Variants in INTS14 observed in about 807,000 individuals in gnomAD.
INTS14 encodes the protein UPF0464 protein C15orf44.
Under a neutral mutation model 56.9 loss-of-function variants are expected in INTS14, and 27 were observed. That is an observed-to-expected ratio of 0.47 (90% CI 0.35 to 0.65). INTS14 has a LOEUF of 0.65. Ranked by LOEUF, INTS14 falls within the 30% of genes least tolerant of loss-of-function variation. The pLI, the probability that INTS14 is intolerant of heterozygous loss-of-function variation, is 0.00. For missense variants in INTS14, 517 were observed against 632.2 expected, an observed-to-expected ratio of 0.82 and a Z score of 1.95; for synonymous variants, 207 against 236.2, an observed-to-expected ratio of 0.88 and a Z score of 1.13.
At chr15:65,580,856 C>T (rs1003663912) in intron 11 of INTS14, among the ~76,000 whole-genome samples, 3 of 152,210 alleles carry the variant, frequency 2.0e-5, no homozygotes, top group Non-Finnish European at 2.9e-5. Flanking sequence ...CTTCACCAAT[C>T]GTTCTGGATT....
intron 2 of INTS14, among the ~76,000 whole-genome samples, chr15:65,605,749 C>T (rs2073620730): frequency 6.6e-6 from 1 of 152,186 alleles, no homozygotes; most frequent in African/African-American, 2.4e-5. Flanking sequence ...AGTCTGACTT[C>T]AGGGCTCCTG....
rs186778721 is a variant in INTS14, at chr15:65,609,080, C to G, written c.-62-1638G>C. On this transcript the variant is annotated intron_variant, in intron 1 of 11. Coordinates refer to ENST00000313182, the MANE Select transcript of INTS14 (RefSeq NM_001394796.1). ...GACTACAGGCGCGTGTCACCACACT[C>G]GGCTAATTTTTGTATTTTTAGTAGA... Among the ~76,000 whole-genome samples, 969 of 152,190 alleles carry G rather than the reference C, an allele frequency of 6.4e-3. 9 individuals are homozygous for G. Among genetic ancestry groups the G allele is most frequent in the African/African-American group, 0.022 (931 of 41,528 alleles).
intron 9 of INTS14, chr15:65,586,717 GAAGA>G (rs1370271825): frequency 6.6e-6 from 1 of 152,094 alleles, no homozygotes; most frequent in Non-Finnish European, 1.5e-5. Flanking sequence ...TGAAGATACA[GAAGA>G]CAGAACAAAA....
intron 2 of INTS14, among the ~76,000 whole-genome samples, chr15:65,606,423 C>G (rs1220525549): frequency 6.8e-6 from 1 of 147,046 alleles, no homozygotes; most frequent in Non-Finnish European, 1.5e-5. Flanking sequence ...TTTTTTCCTT[C>G]TTTTTATTAA....
At chr15:65,604,608 T>A (rs2141321159) in intron 3 of INTS14, among the ~76,000 whole-genome samples, 1 of 151,798 alleles carries the variant, frequency 6.6e-6, no homozygotes, top group East Asian at 1.9e-4. Context: ...CATTTGCCTG[T>A]AGTCTCAGCT....
intron 8 of INTS14, among the ~76,000 whole-genome samples, chr15:65,592,508 T>G (rs1027916264): frequency 6.6e-6 from 1 of 152,218 alleles, no homozygotes; most frequent in Admixed American, 6.5e-5. Context: ...AGAATGATTA[T>G]GAGTAGGCTC....
chr15:65,582,354 G>C (rs898355619), intron 10 of INTS14, among the ~76,000 whole-genome samples: 1 of 152,116 alleles, frequency 6.6e-6, no homozygotes, highest in Non-Finnish European at 1.5e-5. Context: ...TGAGACAACT[G>C]GATATCCACA....
chr15:65,600,046 G>C, intron 3 of INTS14, 117 bp from the exon 4 acceptor site: 1 of 1,151,334 alleles, frequency 8.7e-7, no homozygotes, highest in Non-Finnish European at 1.2e-6. Context: ...GGTGGCTCAA[G>C]CCTGTAATCC....
chr15:65,597,815 T>C (rs1156452924), intron 6 of INTS14, among the ~76,000 whole-genome samples: 1 of 152,224 alleles, frequency 6.6e-6, no homozygotes, highest in Non-Finnish European at 1.5e-5. Flanking sequence ...TGCTAGTGAA[T>C]ACGGCTATGA....
chr15:65,610,856 G>A (rs976212804), intron 1 of INTS14: 2 of 1,527,892 alleles, frequency 1.3e-6, no homozygotes. Flanking sequence ...AGGGGGCAGA[G>A]GGGAGCTGAG....
At chr15:65,601,879 AAC>A (rs1246735553) in intron 3 of INTS14, among the ~76,000 whole-genome samples, 1 of 152,210 alleles carries the variant, frequency 6.6e-6, no homozygotes, top group Non-Finnish European at 1.5e-5. Flanking sequence ...GTCAAAATGA[AAC>A]AGACTTTACT....
chr15:65,610,882 T>C, intron 1 of INTS14: 1 of 1,499,708 alleles, frequency 6.7e-7, no homozygotes, highest in Non-Finnish European at 8.9e-7. Flanking sequence ...GGCGAAATCG[T>C]GCAGTTTACG....
At chr15:65,607,114 A>G (rs1183493939) in intron 2 of INTS14, 45 bp downstream of exon 2, 4 of 1,598,082 alleles carry the variant, frequency 2.5e-6, no homozygotes, top group Admixed American at 3.4e-5. Context: ...TTTCCTCCCA[A>G]TAAATTTAGG....
In INTS14 at chr15:65,591,701, T is replaced by A. The variant is rs1344971140; in HGVS notation, c.1017A>T (p.Gln339His). 1.2e-6 allele frequency: 2 copies of A among 1,614,188 alleles called. No homozygotes were observed. Among genetic ancestry groups the A allele is most frequent in the East Asian group, 4.5e-5 (2 of 44,882 alleles). The change falls in exon 9 of 12, where the codon CAA (glutamine) becomes CAT (histidine). Residue 339 changes from glutamine (Q) to histidine (H), a missense_variant. Gln to His is a conservative substitution (Grantham distance 24). Coordinates refer to ENST00000313182, the MANE Select transcript of INTS14 (RefSeq NM_001394796.1). ...GPEWHGMLYS[Q>H]ADSKKKSNLM... is the part of the protein sequence containing the mutation. ...GGTTTGATTTCTTCTTGCTGTCAGC[T>A]TGGGAGTAGAGCATTCCATGCCATT...
At chr15:65,592,924 C>T (rs961996125) in intron 8 of INTS14, among the ~76,000 whole-genome samples, 7 of 151,826 alleles carry the variant, frequency 4.6e-5, no homozygotes, top group Non-Finnish European at 1.0e-4. Context: ...AGGCTCACTC[C>T]ACACTTATTC....
intron 9 of INTS14, among the ~76,000 whole-genome samples, chr15:65,588,830 A>T (rs1342965633): frequency 1.3e-5 from 2 of 149,570 alleles, no homozygotes; most frequent in Admixed American, 6.6e-5. Flanking sequence ...AAGTTTTATT[A>T]TTAATTGTTA....
At chr15:65,583,422 G>T (rs936751992) in intron 10 of INTS14, among the ~76,000 whole-genome samples, 11 of 152,074 alleles carry the variant, frequency 7.2e-5, no homozygotes, top group African/African-American at 2.7e-4. Flanking sequence ...AGTACAAGAA[G>T]TCAAACACAA....
chr15:65,597,392 T>C (rs994408840), intron 6 of INTS14, among the ~76,000 whole-genome samples: 3 of 152,212 alleles, frequency 2.0e-5, no homozygotes, highest in Admixed American at 1.3e-4. Flanking sequence ...GAAACACTGA[T>C]AATATCCAGC....
intron 9 of INTS14, among the ~76,000 whole-genome samples, chr15:65,589,650 C>A (rs569497993): frequency 6.6e-5 from 10 of 152,202 alleles, no homozygotes; most frequent in Non-Finnish European, 1.5e-4. Context: ...CCCTTCCCAA[C>A]CTCTAATGAC....
Sources: allele counts gnomAD v4.1 joint callset (sites outside exome capture counted in the v4.1 genomes callset), GRCh38; gene constraint gnomAD v4.1.1; transcripts MANE v1.5; gene names NCBI Gene and HGNC (gene_info 2026-07-23, HGNC 2026-07-21).